Variants in OPRM1 observed in about 807,000 individuals in gnomAD.
The protein encoded by OPRM1 is mu-type opioid receptor.
Under a neutral mutation model 31.8 loss-of-function variants are expected in OPRM1, and 27 were observed. That is an observed-to-expected ratio of 0.85 (90% CI 0.63 to 1.17). OPRM1 has a LOEUF of 1.17. Ranked by LOEUF, OPRM1 falls within the 50% of genes most tolerant of loss-of-function variation. The pLI is 0.00. For synonymous variants in OPRM1, 196 were observed against 189.9 expected, an observed-to-expected ratio of 1.03 and a Z score of -0.26; for missense variants, 536 against 511.1, an observed-to-expected ratio of 1.05 and a Z score of -0.47.
chr6:154,195,625 T>A (rs536375730), intron 3 of OPRM1, among the ~76,000 whole-genome samples: 1 of 152,092 alleles, frequency 6.6e-6, no homozygotes, highest in Non-Finnish European at 1.5e-5. Context: ...TTAGATGAGA[T>A]CTTGTCTTGG....
Position 154,058,454 on chromosome 6 carries a change from T to G in OPRM1, c.290+18620T>G, listed in dbSNP as rs1266134888. On this transcript the variant is annotated intron_variant, in intron 1 of 3. Coordinates refer to ENST00000330432, the MANE Select transcript of OPRM1 (RefSeq NM_000914.5). ...GGTCAAAGAAGCCCTTTGAAAACAG[T>G]TGTGTTTTCAGAACAATCACAGGTC... 1.3e-5 allele frequency among the ~76,000 whole-genome samples: 2 copies of G among 152,234 alleles called. 1 individual carries two copies. The highest frequency in any genetic ancestry group is 4.1e-4 in the South Asian group (2 of 4,834).
intron 3 of OPRM1, among the ~76,000 whole-genome samples, chr6:154,180,872 G>T (rs775798341): frequency 4.6e-5 from 7 of 152,120 alleles, no homozygotes; most frequent in Non-Finnish European, 1.0e-4. Flanking sequence ...TCCCCAACAT[G>T]CAACACTTGG....
chr6:154,051,135 C>G (rs1782112571), intron 1 of OPRM1, among the ~76,000 whole-genome samples: 1 of 152,090 alleles, frequency 6.6e-6, no homozygotes. Context: ...GGAAAGGAAA[C>G]TTTTACCTAA....
At chr6:154,092,078 G>C in intron 3 of OPRM1, 9 of 229,412 alleles carry the variant, frequency 3.9e-5, no homozygotes, top group Non-Finnish European at 6.5e-5. Context: ...ATTAATATGT[G>C]AATATTAATC....
intron 3 of OPRM1, chr6:154,155,885 T>C (rs1435802803): frequency 6.6e-6 from 1 of 152,224 alleles, no homozygotes; most frequent in Admixed American, 6.5e-5. Context: ...TTAAAAATAT[T>C]TTTTCTTTGA....
At chr6:154,086,516 G>C in intron 1 of OPRM1, 1 of 934,806 alleles carries the variant, frequency 1.1e-6, no homozygotes, top group Non-Finnish European at 1.3e-6. Context: ...TGGCTAGCAT[G>C]CTAATTAACT....
rs1428924284 is a variant in OPRM1 at position 154,016,415 on chromosome 6, A to G, written c.-1+5397A>G. Among the ~76,000 whole-genome samples the G allele has an allele frequency of 3.3e-5, 5 of 152,274 alleles. No homozygotes were observed. The South Asian group carries it at 8.3e-4, about 25-fold the overall frequency. ...TGTGTAGTGTGACAACAATTACCTA[A>G]GGATAGAAGAGAATATACTGTTAAT... On this transcript the variant is annotated intron_variant, in intron 1 of 5. Transcript: ENST00000434900.
chr6:154,183,903 C>CA (rs201453275), intron 3 of OPRM1, among the ~76,000 whole-genome samples: 115 of 150,790 alleles, frequency 7.6e-4, no homozygotes, highest in Admixed American at 1.2e-3. Context: ...AACAAACAAA[C>CA]AAAAAAAACA....
At chr6:154,176,352 G>A (rs1800327556) in intron 3 of OPRM1, among the ~76,000 whole-genome samples, 1 of 152,160 alleles carries the variant, frequency 6.6e-6, no homozygotes, top group Non-Finnish European at 1.5e-5. Context: ...GAAATAAAGT[G>A]TATTCAATTA....
At chr6:154,215,294 TA>T (rs111975046) in intron 3 of OPRM1, among the ~76,000 whole-genome samples, 82,397 of 151,890 alleles carry the variant, frequency 0.54, 22,861 homozygotes, top group South Asian at 0.76. Flanking sequence ...TTGTACCTGT[TA>T]TTTTTGAATA....
At chr6:154,019,899 A>G (rs1778259193) in intron 1 of OPRM1, among the ~76,000 whole-genome samples, 6 of 151,794 alleles carry the variant, frequency 4.0e-5, no homozygotes, top group Admixed American at 3.9e-4. Context: ...GTGCTTGGCT[A>G]ATTTTTGTAT....
At chr6:154,200,134 G>A in intron 3 of OPRM1, 1 of 1,178,682 alleles carries the variant, frequency 8.5e-7, no homozygotes, top group Non-Finnish European at 1.2e-6. Flanking sequence ...GTGTCCCCGT[G>A]TTATTTCAAA....
intron 3 of OPRM1, among the ~76,000 whole-genome samples, chr6:154,142,910 G>T (rs1049187873): frequency 6.6e-6 from 1 of 152,078 alleles, no homozygotes. Flanking sequence ...CTCATCTGAG[G>T]TTCCCCCAAT....
At chr6:154,055,738 C>G (rs897235176) in intron 1 of OPRM1, among the ~76,000 whole-genome samples, 5 of 152,148 alleles carry the variant, frequency 3.3e-5, no homozygotes, top group Admixed American at 6.5e-5. Flanking sequence ...TAAGGACAGG[C>G]AACTGCAACT....
rs1386219743 is a variant in OPRM1 at position 154,118,714 on chromosome 6, T to C, written c.1196T>C (p.Leu399Ser). ...LENLEAETAP[L>S]P is the part of the protein sequence containing the mutation. Reference sequence around the variant, plus strand: ...AATCTGGAAGCAGAAACTGCTCCGTTGCCCTAACAGGGTCTCATGCCATTC... The same window carrying C: ...AATCTGGAAGCAGAAACTGCTCCGTCGCCCTAACAGGGTCTCATGCCATTC... The change falls in exon 4 of 4, where the codon TTG (leucine) becomes TCG (serine). Residue 399 changes from leucine (L) to serine (S), a missense_variant. By Grantham distance (145) the Leu-to-Ser change is moderately radical. Transcript: ENST00000330432. 1.2e-6 allele frequency: 2 copies of C among 1,613,208 alleles called. No individual in the cohort carries two copies. The highest frequency in any genetic ancestry group is 2.7e-5 in the African/African-American group (2 of 74,910).
At chr6:154,051,403 T>C (rs528511952) in intron 1 of OPRM1, among the ~76,000 whole-genome samples, 1 of 152,314 alleles carries the variant, frequency 6.6e-6, no homozygotes, top group East Asian at 1.9e-4. Flanking sequence ...CCAAAATACT[T>C]TTATTAGCCA....
chr6:154,082,485 ACTT>A (rs1440687348), intron 1 of OPRM1, among the ~76,000 whole-genome samples: 2 of 152,198 alleles, frequency 1.3e-5, no homozygotes, highest in Admixed American at 1.3e-4. Flanking sequence ...ATATGTTTGC[ACTT>A]CTACAAAAGG....
At chr6:154,091,541 C>G (rs540140956) in intron 3 of OPRM1, 69 bp downstream of exon 3, 1 of 1,518,660 alleles carries the variant, frequency 6.6e-7, no homozygotes, top group African/African-American at 1.4e-5. Flanking sequence ...TTGTGCTAAA[C>G]TAGGAGTTTA....
intron 3 of OPRM1, among the ~76,000 whole-genome samples, chr6:154,216,015 T>C (rs897335132): frequency 6.6e-6 from 1 of 152,236 alleles, no homozygotes; most frequent in East Asian, 1.9e-4. Flanking sequence ...TGTCACCTTT[T>C]GTTGAATTAA....
Sources: gnomAD v4.1 joint callset for allele counts (sites outside exome capture counted in the v4.1 genomes callset) on GRCh38, gnomAD v4.1.1 for gene constraint, MANE v1.5 for transcripts, NCBI Gene and HGNC (gene_info 2026-07-23, HGNC 2026-07-21) for gene names.